Variants in RABGAP1L observed in about 807,000 individuals in gnomAD.
RABGAP1L encodes the protein rab GTPase-activating protein 1-like.
Under a neutral mutation model 137.7 loss-of-function variants are expected in RABGAP1L, and 63 were observed. The ratio of observed to expected loss-of-function variants is 0.46; its 90% CI spans 0.37 to 0.56. The LOEUF is 0.56. Ranked by LOEUF, RABGAP1L falls within the 20% of genes least tolerant of loss-of-function variation. The pLI is 0.00. For missense variants in RABGAP1L, 1,095 were observed against 1,244.0 expected (o/e 0.88, Z 1.80); for synonymous variants, 431 against 433.7 (o/e 0.99, Z 0.08).
At chr1:174,735,208 T>A (rs1682832409) in intron 17 of RABGAP1L, among the ~76,000 whole-genome samples, 1 of 151,858 alleles carries the variant, frequency 6.6e-6, no homozygotes, top group South Asian at 2.1e-4. Flanking sequence ...AAATCTGAGT[T>A]CAATCAGTCC....
chr1:174,303,724 A>G (rs1400712077), intron 10 of RABGAP1L, among the ~76,000 whole-genome samples: 6 of 152,190 alleles, frequency 3.9e-5, no homozygotes, highest in African/African-American at 1.4e-4. Flanking sequence ...ATTCTATATG[A>G]GATCAAAGTA....
rs373249549 is a variant in RABGAP1L at position 174,475,926 on chromosome 1, A to G, written c.1710+81781A>G. On this transcript the variant is annotated intron_variant, in intron 13 of 25. Coordinates refer to ENST00000681986, the MANE Select transcript of RABGAP1L (RefSeq NM_001366446.1). ...TTAGAACATTATATATGTATAATTAACATTATACCAGTATATAACATTATA... is the reference window on the plus strand; with the variant it reads ...TTAGAACATTATATATGTATAATTAGCATTATACCAGTATATAACATTATA... Among the ~76,000 whole-genome samples the G allele has an allele frequency of 1.5e-4, 23 of 152,160 alleles. No individual in the cohort carries two copies. In the East Asian group the frequency reaches 3.3e-3, roughly 22 times the overall value.
intron 11 of RABGAP1L, among the ~76,000 whole-genome samples, chr1:174,351,085 G>GAA (rs1683137919): frequency 7.5e-6 from 1 of 133,620 alleles, no homozygotes; most frequent in African/African-American, 2.9e-5. Context: ...AGGGGGAGGG[G>GAA]GAGGGGGAGG....
chr1:174,233,561 C>T lies in RABGAP1L; in HGVS notation c.542+2206C>T, dbSNP rs962344058. Reference sequence around the variant, plus strand: ...ATAGTTTACTGAGAATGATGATTTCCAATTTCATCCATGCCCCTACAAAGG... The same window carrying T: ...ATAGTTTACTGAGAATGATGATTTCTAATTTCATCCATGCCCCTACAAAGG... On this transcript the variant is annotated intron_variant, in intron 4 of 25. Coordinates refer to ENST00000681986, the MANE Select transcript of RABGAP1L (RefSeq NM_001366446.1). Among the ~76,000 whole-genome samples, 28 of 143,706 alleles carry T rather than the reference C, an allele frequency of 1.9e-4. 1 individual carries two copies. Among genetic ancestry groups the T allele is most frequent in the African/African-American group, 8.2e-4 (28 of 34,044 alleles). The allele number at this position is 143,706 out of a possible 152,430, so 94.3% of individuals were successfully genotyped here. A position where few individuals can be genotyped will look rare whatever the true frequency, so the allele number is the denominator to read the frequency against.
intron 13 of RABGAP1L, among the ~76,000 whole-genome samples, chr1:174,543,444 T>C (rs1415405694): frequency 6.6e-6 from 1 of 152,196 alleles, no homozygotes; most frequent in African/African-American, 2.4e-5. Flanking sequence ...TTCCATTTGC[T>C]TGGCAGATCT....
intron 11 of RABGAP1L, among the ~76,000 whole-genome samples, chr1:174,310,625 G>C (rs1488074024): frequency 1.3e-5 from 2 of 152,080 alleles, no homozygotes; most frequent in Admixed American, 1.3e-4. Context: ...TTGATGTTGA[G>C]TGCATATATT....
intron 1 of RABGAP1L, among the ~76,000 whole-genome samples, chr1:174,192,349 T>A (rs1460747609): frequency 7.4e-6 from 1 of 135,910 alleles, no homozygotes; most frequent in African/African-American, 2.8e-5. Context: ...GGAGATGGAG[T>A]CTGTCACTCT....
chr1:174,974,674 G>A (rs1045547593), intron 21 of RABGAP1L, among the ~76,000 whole-genome samples: 7 of 152,166 alleles, frequency 4.6e-5, no homozygotes, highest in Non-Finnish European at 1.0e-4. Flanking sequence ...CTACCCAACG[G>A]TTTCAAATGA....
At chr1:174,628,237 A>G (rs1673066774) in intron 13 of RABGAP1L, among the ~76,000 whole-genome samples, 1 of 152,204 alleles carries the variant, frequency 6.6e-6, no homozygotes, top group Non-Finnish European at 1.5e-5. Flanking sequence ...AAAATACATG[A>G]TTGGAAATTA....
rs1475135607 is a variant in RABGAP1L at position 174,990,852 on chromosome 1, G to T, written c.*851G>T. ...ACCAGAGACGCCTAAAAAGCCCCAG[G>T]TTCAGCCATTGTGCTGAATAGAGTG... On this transcript the variant is annotated 3_prime_UTR_variant, in exon 26 of 26. Coordinates refer to ENST00000681986, the MANE Select transcript of RABGAP1L (RefSeq NM_001366446.1). 6.6e-6 allele frequency: 1 copy of T among 152,228 alleles called. No individual in the cohort carries two copies. Among genetic ancestry groups the T allele is most frequent in the East Asian group, 1.9e-4 (1 of 5,204 alleles). The allele number at this position is 152,228 out of a possible 1,614,324, so 9.4% of individuals were successfully genotyped here. A position where few individuals can be genotyped will look rare whatever the true frequency, so the allele number is the denominator to read the frequency against.
At chr1:174,426,649 T>C (rs996438221) in intron 13 of RABGAP1L, among the ~76,000 whole-genome samples, 6 of 152,076 alleles carry the variant, frequency 3.9e-5, no homozygotes, top group Non-Finnish European at 5.9e-5. Context: ...AATAACATTT[T>C]ATGAGCACTT....
At chr1:174,651,585 T>C (rs1675493845) in intron 14 of RABGAP1L, among the ~76,000 whole-genome samples, 1 of 152,206 alleles carries the variant, frequency 6.6e-6, no homozygotes, top group Non-Finnish European at 1.5e-5. Context: ...TTTACCATTA[T>C]GTAATGGCCT....
chr1:174,531,906 A>T (rs1664443878), intron 13 of RABGAP1L, among the ~76,000 whole-genome samples: 1 of 152,188 alleles, frequency 6.6e-6, no homozygotes, highest in African/African-American at 2.4e-5. Context: ...CATCTTCAAT[A>T]TCTGAGAAAA....
chr1:174,304,486 T>A (rs1423534835), intron 10 of RABGAP1L, among the ~76,000 whole-genome samples: 1 of 151,956 alleles, frequency 6.6e-6, no homozygotes, highest in Non-Finnish European at 1.5e-5. Flanking sequence ...ACATATATAT[T>A]TTTATACATA....
At chr1:174,553,841 A>G (rs1666707267) in intron 13 of RABGAP1L, among the ~76,000 whole-genome samples, 1 of 152,122 alleles carries the variant, frequency 6.6e-6, no homozygotes, top group Non-Finnish European at 1.5e-5. Flanking sequence ...TCTCTGCAAA[A>G]ATTAGCTGGA....
At position 174,380,028 on chromosome 1, in the gene RABGAP1L, T is replaced by G. The variant is rs1263713163; in HGVS notation, c.1559+8956T>G. Reference sequence around the variant, plus strand: ...GTTGAATTTTGTCAAAGGCTTTTTCTGCATCTATTGAGATAATCATGTGGT... The same window carrying G: ...GTTGAATTTTGTCAAAGGCTTTTTCGGCATCTATTGAGATAATCATGTGGT... On this transcript the variant is annotated intron_variant, in intron 12 of 25. Transcript: ENST00000681986. Among the ~76,000 whole-genome samples the G allele has an allele frequency of 3.3e-4, 42 of 128,700 alleles. No homozygotes were observed. In the South Asian group the frequency reaches 9.4e-3, roughly 29 times the overall value. 84.4% of individuals were successfully genotyped at this position (128,700 alleles called of 152,430 possible).
chr1:174,883,552 G>T (rs1004791619), intron 19 of RABGAP1L, among the ~76,000 whole-genome samples: 1 of 152,148 alleles, frequency 6.6e-6, no homozygotes, highest in Non-Finnish European at 1.5e-5. Context: ...TGAAGATGGT[G>T]CTGAAGATCT....
At chr1:174,533,796 A>G (rs1476202282) in intron 13 of RABGAP1L, among the ~76,000 whole-genome samples, 2 of 151,804 alleles carry the variant, frequency 1.3e-5, no homozygotes, top group African/African-American at 4.8e-5. Context: ...TCAGCCTCCC[A>G]AGTAGCTGGG....
intron 21 of RABGAP1L, among the ~76,000 whole-genome samples, chr1:174,975,672 C>G (rs1290782215): frequency 6.6e-6 from 1 of 151,294 alleles, no homozygotes. Flanking sequence ...GGCTCTACCC[C>G]TTCATCAGAT....
Sources: allele counts gnomAD v4.1 joint callset (sites outside exome capture counted in the v4.1 genomes callset), GRCh38; gene constraint gnomAD v4.1.1; transcripts MANE v1.5; gene names NCBI Gene and HGNC (gene_info 2026-07-23, HGNC 2026-07-21).